The following ADAMTSL3 variants were observed in gnomAD, a reference collection of about 807,000 sequenced individuals.
ADAMTSL3 encodes the protein ADAMTS like 3, also known as ADAMTS-like protein 3.
Under a neutral mutation model 201.7 loss-of-function variants are expected in ADAMTSL3, and 128 were observed. That is an observed-to-expected ratio of 0.63 (90% CI 0.55 to 0.73). The LOEUF is 0.73. Among genes scored for constraint, ADAMTSL3 ranks in the 30% least tolerant of loss-of-function variants. The probability of loss-of-function intolerance (pLI) is 0.00; values close to 1 mark genes in which losing one functional copy is unlikely to be tolerated. For missense variants in ADAMTSL3, 1,990 were observed against 2,119.6 expected (o/e 0.94, Z 1.20); for synonymous variants, 738 against 748.4 (o/e 0.99, Z 0.23).
At chr15:83,808,567 G>A (rs2063640186) in intron 5 of ADAMTSL3, among the ~76,000 whole-genome samples, 2 of 152,114 alleles carry the variant, frequency 1.3e-5, no homozygotes, top group Admixed American at 1.3e-4. Flanking sequence ...AAAATAGTAT[G>A]GAGTTCCTCA....
intron 3 of ADAMTSL3, among the ~76,000 whole-genome samples, chr15:83,709,710 A>G (rs971342316): frequency 6.6e-6 from 1 of 152,198 alleles, no homozygotes; most frequent in Non-Finnish European, 1.5e-5. Flanking sequence ...TTTCTCAGTT[A>G]GAGGTCATTT....
At chr15:83,855,224 G>T (rs2064706013) in intron 7 of ADAMTSL3, among the ~76,000 whole-genome samples, 1 of 152,166 alleles carries the variant, frequency 6.6e-6, no homozygotes, top group South Asian at 2.1e-4. Context: ...CATACGCAGA[G>T]CCCCACATAG....
chr15:83,905,122 G>C (rs1038514689), intron 15 of ADAMTSL3, among the ~76,000 whole-genome samples: 1 of 152,132 alleles, frequency 6.6e-6, no homozygotes, highest in Non-Finnish European at 1.5e-5. Flanking sequence ...ATTAAGTGGT[G>C]GACAGTGATT....
chr15:83,787,795 CT>C lies in ADAMTSL3; in HGVS notation c.317+14146del, dbSNP rs1328682230. The stretch of plus-strand genomic sequence containing the variant: ...ATTTAACAATTTTTCACACCTCCTG[CT>C]CCTTTCTCTTCCTTTCTCTCTCCCC... On this transcript the variant is annotated intron_variant, in intron 4 of 29. Transcript: ENST00000286744. 1.3e-5 allele frequency among the ~76,000 whole-genome samples: 2 copies of C among 152,124 alleles called. 1 individual carries two copies. The highest frequency in any genetic ancestry group is 2.9e-5 in the Non-Finnish European group (2 of 68,010).
chr15:84,007,793 T>TA (rs1304849938), intron 23 of ADAMTSL3, among the ~76,000 whole-genome samples: 1 of 152,014 alleles, frequency 6.6e-6, no homozygotes, highest in African/African-American at 2.4e-5. Flanking sequence ...AAATAGACTG[T>TA]AAAAAATCAG....
At chr15:83,717,429 G>A (rs1422330770) in intron 3 of ADAMTSL3, 1 of 152,148 alleles carries the variant, frequency 6.6e-6, no homozygotes, top group Non-Finnish European at 1.5e-5. Flanking sequence ...GCTCCTCTGT[G>A]TTTGCTTCAG....
intron 17 of ADAMTSL3, among the ~76,000 whole-genome samples, chr15:83,929,936 T>C (rs1386404955): frequency 6.6e-6 from 1 of 152,160 alleles, no homozygotes; most frequent in Non-Finnish European, 1.5e-5. Flanking sequence ...TTCGCTACTA[T>C]GACATTAGTT....
intron 2 of ADAMTSL3, among the ~76,000 whole-genome samples, chr15:83,677,205 T>C (rs1295743810): frequency 6.6e-6 from 1 of 152,156 alleles, no homozygotes; most frequent in Non-Finnish European, 1.5e-5. Context: ...TGGTCTGTTT[T>C]GGTGAATGTT....
chr15:83,737,503 A>G (rs2098904), intron 3 of ADAMTSL3, among the ~76,000 whole-genome samples: 127,420 of 152,086 alleles, frequency 0.84, 53,876 homozygotes, highest in East Asian at 0.96. Context: ...CTTGCCTGCC[A>G]CCACGTATGA....
At chr15:83,708,231 T>C (rs2061880487) in intron 3 of ADAMTSL3, among the ~76,000 whole-genome samples, 1 of 152,240 alleles carries the variant, frequency 6.6e-6, no homozygotes, top group Admixed American at 6.5e-5. Context: ...GTGGGTTCAC[T>C]AGGATCTTCC....
intron 3 of ADAMTSL3, among the ~76,000 whole-genome samples, chr15:83,744,620 T>G (rs1280434238): frequency 1.3e-5 from 2 of 152,204 alleles, no homozygotes; most frequent in African/African-American, 4.8e-5. Context: ...TTAAAATCTC[T>G]TATCAATTTT....
intron 3 of ADAMTSL3, among the ~76,000 whole-genome samples, chr15:83,707,298 T>A (rs2061866746): frequency 1.3e-5 from 2 of 152,218 alleles, no homozygotes; most frequent in South Asian, 4.1e-4. Context: ...CTGGTACATA[T>A]AAGCATTTAA....
At chr15:83,908,414 A>C (rs1316406515) in intron 15 of ADAMTSL3, among the ~76,000 whole-genome samples, 2 of 152,176 alleles carry the variant, frequency 1.3e-5, no homozygotes, top group Non-Finnish European at 2.9e-5. Flanking sequence ...TTTTTATTTT[A>C]TTGTACTTAT....
At chr15:83,784,236 C>T (rs755817909) in intron 4 of ADAMTSL3, among the ~76,000 whole-genome samples, 7 of 152,088 alleles carry the variant, frequency 4.6e-5, no homozygotes, top group Non-Finnish European at 8.8e-5. Context: ...CCTTATGTGC[C>T]CTTACACTTT....
chr15:83,801,546 C>T (rs2063513534), intron 4 of ADAMTSL3, among the ~76,000 whole-genome samples: 1 of 148,566 alleles, frequency 6.7e-6, no homozygotes, highest in Non-Finnish European at 1.5e-5. Flanking sequence ...AAAATAACCA[C>T]TACAGAAAAC....
intron 3 of ADAMTSL3, among the ~76,000 whole-genome samples, chr15:83,737,334 A>G (rs1039319840): frequency 2.0e-5 from 3 of 152,170 alleles, no homozygotes; most frequent in African/African-American, 4.8e-5. Context: ...CCCAAATCTC[A>G]TCTTGAATTG....
At chr15:83,989,878 T>C (rs2067552416) in intron 22 of ADAMTSL3, among the ~76,000 whole-genome samples, 1 of 152,242 alleles carries the variant, frequency 6.6e-6, no homozygotes, top group Admixed American at 6.5e-5. Flanking sequence ...TAACTTTGCA[T>C]TTTTCTTGCA....
chr15:84,022,674 G>C (rs2068226151), intron 26 of ADAMTSL3, among the ~76,000 whole-genome samples: 1 of 152,174 alleles, frequency 6.6e-6, no homozygotes, highest in African/African-American at 2.4e-5. Context: ...ACAGTGCCTA[G>C]CAATAGTAGG....
At chr15:83,747,267 A>G (rs151102499) in intron 3 of ADAMTSL3, among the ~76,000 whole-genome samples, 1 of 152,286 alleles carries the variant, frequency 6.6e-6, no homozygotes, top group Non-Finnish European at 1.5e-5. Flanking sequence ...CCACACTTGC[A>G]TCCTGTTCCT....
Sources: allele counts gnomAD v4.1 joint callset (sites outside exome capture counted in the v4.1 genomes callset), GRCh38; gene constraint gnomAD v4.1.1; transcripts MANE v1.5; gene names NCBI Gene and HGNC (gene_info 2026-07-23, HGNC 2026-07-21).